Variants in RAP1GDS1 observed in about 807,000 individuals in gnomAD.
The protein encoded by RAP1GDS1 is RAP1, GTP-GDP dissociation stimulator 1.
A neutral mutation model predicts 71.1 loss-of-function variants in RAP1GDS1; 35 were observed. The observed-to-expected ratio is 0.49, with a 90% CI of 0.38 to 0.65. The LOEUF is 0.65. RAP1GDS1 is among the 30% of genes least tolerant of loss of function. The pLI, the probability that RAP1GDS1 is intolerant of heterozygous loss-of-function variation, is 0.00. For missense variants in RAP1GDS1, 663 were observed against 706.1 expected (o/e 0.94, Z 0.69); for synonymous variants, 229 against 243.1 (o/e 0.94, Z 0.54).
At chr4:98,400,518 T>G (rs1745228746) in intron 6 of RAP1GDS1, among the ~76,000 whole-genome samples, 1 of 145,826 alleles carries the variant, frequency 6.9e-6, no homozygotes, top group Non-Finnish European at 1.5e-5. Context: ...TAAAGTTGAT[T>G]TTATAGAAGT....
chr4:98,312,207 A>G (rs772959258), intron 2 of RAP1GDS1, among the ~76,000 whole-genome samples: 4 of 152,184 alleles, frequency 2.6e-5, no homozygotes, highest in Non-Finnish European at 4.4e-5. Flanking sequence ...TTTGCAATTC[A>G]TGAACACCTT....
chr4:98,342,924 T>G (rs553423450), intron 2 of RAP1GDS1, among the ~76,000 whole-genome samples: 117 of 152,188 alleles, frequency 7.7e-4, no homozygotes, highest in African/African-American at 2.4e-3. Context: ...AAACAAAATA[T>G]TATATTATCA....
intron 1 of RAP1GDS1, among the ~76,000 whole-genome samples, chr4:98,268,411 A>G (rs758521629): frequency 6.6e-6 from 1 of 152,156 alleles, no homozygotes; most frequent in African/African-American, 2.4e-5. Context: ...GAGAAAAAAA[A>G]CAAGGATGCC....
intron 4 of RAP1GDS1, among the ~76,000 whole-genome samples, chr4:98,369,337 A>G (rs968515715): frequency 1.1e-4 from 17 of 152,262 alleles, no homozygotes; most frequent in Non-Finnish European, 2.4e-4. Flanking sequence ...CTTAATAACC[A>G]TATACTCACA....
chr4:98,362,266 G>A (rs892946539), intron 4 of RAP1GDS1, among the ~76,000 whole-genome samples: 1 of 152,120 alleles, frequency 6.6e-6, no homozygotes, highest in Non-Finnish European at 1.5e-5. Flanking sequence ...GATCACTTGA[G>A]CCCAGGAGTG....
At chr4:98,273,116 C>T (rs994097144) in intron 1 of RAP1GDS1, among the ~76,000 whole-genome samples, 2 of 152,162 alleles carry the variant, frequency 1.3e-5, no homozygotes, top group Non-Finnish European at 2.9e-5. Context: ...AGGCTCTCGT[C>T]TCCTTTGCAA....
intron 1 of RAP1GDS1, among the ~76,000 whole-genome samples, chr4:98,292,564 TAAAAG>T (rs1727122528): frequency 1.4e-5 from 2 of 143,904 alleles, no homozygotes; most frequent in Admixed American, 6.9e-5. Context: ...TAAAGTATAA[TAAAAG>T]AAAAAAAAAA....
At chr4:98,335,290 A>G (rs1205580989) in intron 2 of RAP1GDS1, among the ~76,000 whole-genome samples, 2 of 152,314 alleles carry the variant, frequency 1.3e-5, no homozygotes, top group East Asian at 3.9e-4. Flanking sequence ...GATCAATAAT[A>G]AGAGTGAGGC....
At chr4:98,304,656 C>T (rs116470941) in intron 2 of RAP1GDS1, among the ~76,000 whole-genome samples, 2,614 of 152,010 alleles carry the variant, frequency 0.017, 67 homozygotes, top group African/African-American at 0.059. Context: ...CAGTTCACTC[C>T]GATGGTAGTT....
At chr4:98,415,885 G>T (rs1370142449) in intron 7 of RAP1GDS1, among the ~76,000 whole-genome samples, 11 of 152,084 alleles carry the variant, frequency 7.2e-5, no homozygotes. Flanking sequence ...ATGAAAACCT[G>T]AAGCCCTTTT....
intron 7 of RAP1GDS1, among the ~76,000 whole-genome samples, chr4:98,408,494 T>G (rs1746501598): frequency 6.6e-6 from 1 of 152,120 alleles, no homozygotes. Context: ...TAATCTTACC[T>G]TAAGAATTCT....
At chr4:98,392,215 C>A in intron 6 of RAP1GDS1, 135 bp downstream of exon 6, 1 of 848,780 alleles carries the variant, frequency 1.2e-6, no homozygotes, top group Non-Finnish European at 1.7e-6. Flanking sequence ...GAGATATTTC[C>A]ATCAATATTT....
intron 1 of RAP1GDS1, among the ~76,000 whole-genome samples, chr4:98,293,112 C>T (rs1287677827): frequency 6.6e-6 from 1 of 152,030 alleles, no homozygotes; most frequent in African/African-American, 2.4e-5. Context: ...TAGATGCTTT[C>T]CTGAACAAGC....
At chr4:98,325,605 A>T (rs1313030052) in intron 2 of RAP1GDS1, among the ~76,000 whole-genome samples, 1 of 150,888 alleles carries the variant, frequency 6.6e-6, no homozygotes, top group Non-Finnish European at 1.5e-5. Context: ...AAAAATGATG[A>T]GTTCATGTCC....
chr4:98,329,968 C>T (rs1351064465), intron 2 of RAP1GDS1, among the ~76,000 whole-genome samples: 1 of 150,982 alleles, frequency 6.6e-6, no homozygotes, highest in Non-Finnish European at 1.5e-5. Flanking sequence ...TTGGGTGTTT[C>T]TCGGAGAGGG....
chr4:98,282,323 C>T (rs1334604982), intron 1 of RAP1GDS1, among the ~76,000 whole-genome samples: 2 of 152,108 alleles, frequency 1.3e-5, no homozygotes, highest in African/African-American at 4.8e-5. Flanking sequence ...CAGCTCCTTC[C>T]TTGTTTAGTC....
intron 12 of RAP1GDS1, among the ~76,000 whole-genome samples, chr4:98,427,974 T>C (rs1017803706): frequency 7.2e-5 from 11 of 152,058 alleles, no homozygotes; most frequent in African/African-American, 2.7e-4. Flanking sequence ...AAGGCCACAG[T>C]CATCAAAACA....
chr4:98,357,354 A>G (rs974810493), intron 4 of RAP1GDS1, among the ~76,000 whole-genome samples: 7 of 151,946 alleles, frequency 4.6e-5, no homozygotes, highest in African/African-American at 1.4e-4. Flanking sequence ...AGTTTTCATC[A>G]ATCTGTTGTA....
intron 1 of RAP1GDS1, among the ~76,000 whole-genome samples, chr4:98,283,086 C>A (rs149555863): frequency 6.6e-6 from 1 of 152,082 alleles, no homozygotes; most frequent in Middle Eastern, 3.2e-3. Flanking sequence ...ACAAGAAATT[C>A]ATCAGATTTT....
Sources: gnomAD v4.1 joint callset for allele counts (sites outside exome capture counted in the v4.1 genomes callset) on GRCh38, gnomAD v4.1.1 for gene constraint, MANE v1.5 for transcripts, NCBI Gene and HGNC (gene_info 2026-07-23, HGNC 2026-07-21) for gene names.